The following CUX2 variants were observed in gnomAD, a reference collection of about 807,000 sequenced individuals.
CUX2 encodes cut like homeobox 2.
In CUX2, 40 loss-of-function variants were observed where a neutral mutation model predicts 144.8. The ratio of observed to expected loss-of-function variants is 0.28; its 90% CI spans 0.21 to 0.36. CUX2 has a LOEUF of 0.36. CUX2 is among the 10% of genes least tolerant of loss of function. CUX2 has a pLI of 1.00. For synonymous variants in CUX2, 827 were observed against 875.6 expected (o/e 0.94, Z 0.98); for missense variants, 1,615 against 1,994.0 (o/e 0.81, Z 3.62).
chr12:111,103,070 A>C (rs1873355239), intron 1 of CUX2, among the ~76,000 whole-genome samples: 1 of 151,994 alleles, frequency 6.6e-6, no homozygotes, highest in Admixed American at 6.5e-5. Context: ...TAGAGGGGAC[A>C]CTCCTCTTAC....
chr12:111,191,333 ATTTATTTATTTATTTT>A lies in CUX2; in HGVS notation c.64-22866_64-22851del, dbSNP rs1233135088. Among the ~76,000 whole-genome samples, 830 of 149,298 alleles carry A rather than the reference ATTTATTTATTTATTTT, an allele frequency of 5.6e-3. 8 individuals carry two copies. The highest frequency in any genetic ancestry group is 0.02 in the African/African-American group (792 of 39,644). On this transcript the variant is annotated intron_variant, in intron 1 of 21. Transcript: ENST00000261726. The stretch of plus-strand genomic sequence containing the variant: ...TATTTATTTATTTATTTATTTATTT[ATTTATTTATTTATTTT>A]GAGACAGAGTCTTGCTCTGTCACCC...
intron 1 of CUX2, among the ~76,000 whole-genome samples, chr12:111,143,172 T>G (rs1876445469): frequency 6.6e-6 from 1 of 152,154 alleles, no homozygotes; most frequent in Non-Finnish European, 1.5e-5. Flanking sequence ...GGGGCTGGTA[T>G]CCAGCAACCA....
chr12:111,310,384 G>T lies in CUX2; in HGVS notation c.1602G>T (p.Glu534Asp). The change falls in exon 15 of 22, where the codon GAG becomes GAT. Residue 534 changes from glutamate (E) to aspartate (D), a missense_variant. Physicochemically the swap from Glu to Asp is conservative, Grantham distance 45 (BLOSUM62 2). Transcript: ENST00000261726. The surrounding 1 kb of genome is among the most constrained non-coding windows in gnomAD (Gnocchi z 7.9). ...APGPEPLGGP[E>D]PADGGGGGAA... ...GCCCTGAGCCACTGGGCGGTCCTGA[G>T]CCCGCGGATGGTGGTGGGGGCGGAG... 6.2e-7 allele frequency: 1 copy of T among 1,603,714 alleles called. No homozygotes were observed. The highest frequency in any genetic ancestry group is 8.5e-7 in the Non-Finnish European group (1 of 1,174,228).
chr12:111,070,160 G>A (rs1004659917), intron 1 of CUX2, among the ~76,000 whole-genome samples: 1 of 152,236 alleles, frequency 6.6e-6, no homozygotes, highest in Non-Finnish European at 1.5e-5. Flanking sequence ...CCATGGAGGC[G>A]TAGGGAGCCA....
At chr12:111,193,349 G>A (rs541759681) in intron 1 of CUX2, among the ~76,000 whole-genome samples, 5 of 152,320 alleles carry the variant, frequency 3.3e-5, no homozygotes, top group Admixed American at 6.5e-5. Context: ...AAAACAATTT[G>A]AAATAATTAG....
At chr12:111,117,167 T>C (rs1054904318) in intron 1 of CUX2, among the ~76,000 whole-genome samples, 3 of 152,212 alleles carry the variant, frequency 2.0e-5, no homozygotes, top group African/African-American at 7.2e-5. Context: ...ATTCCACTCA[T>C]TGAGCAATGT....
chr12:111,334,077 C>T (rs1199006596), intron 18 of CUX2, among the ~76,000 whole-genome samples: 8 of 149,036 alleles, frequency 5.4e-5, no homozygotes, highest in East Asian at 2.0e-4. Context: ...GTCCCAGCTA[C>T]TTGGGAGGCT....
intron 1 of CUX2, among the ~76,000 whole-genome samples, chr12:111,182,392 C>T (rs978680188): frequency 2.6e-5 from 4 of 152,290 alleles, no homozygotes; most frequent in Non-Finnish European, 2.9e-5. Context: ...ACATACAGCC[C>T]GGCGGCCAGC....
At chr12:111,247,367 G>A (rs1157516817) in intron 3 of CUX2, among the ~76,000 whole-genome samples, 1 of 152,232 alleles carries the variant, frequency 6.6e-6, no homozygotes, top group African/African-American at 2.4e-5. Flanking sequence ...GGGCAGGGTA[G>A]CACTTCAGTG....
At position 111,304,054 on chromosome 12, in the gene CUX2, G is replaced by A. The variant is rs1886452577; in HGVS notation, c.754-156G>A. On this transcript the variant is annotated intron_variant, in intron 9 of 21. Transcript: ENST00000261726. This position sits in a 1 kb window ranked among gnomAD's most constrained non-coding sequence, Gnocchi z 4.7. Reference sequence around the variant, plus strand: ...CCAGCCCAGACAGGGCTCTGTGACTGGTCTTCATAGCTCCAGGACAGGGTC... The same window carrying A: ...CCAGCCCAGACAGGGCTCTGTGACTAGTCTTCATAGCTCCAGGACAGGGTC... 1 of 597,066 alleles carries A rather than the reference G, an allele frequency of 1.7e-6. No homozygotes were observed. Among genetic ancestry groups the A allele is most frequent in the South Asian group, 2.0e-5 (1 of 48,858 alleles). 37.0% of individuals were successfully genotyped at this position (597,066 alleles called of 1,614,324 possible).
chr12:111,337,256 G>C (rs1888391583), intron 19 of CUX2, among the ~76,000 whole-genome samples: 1 of 151,918 alleles, frequency 6.6e-6, no homozygotes, highest in Non-Finnish European at 1.5e-5. Context: ...GGGAGGCTGA[G>C]GTGGGAGGAT....
At chr12:111,093,339 G>A (rs935043027) in intron 1 of CUX2, among the ~76,000 whole-genome samples, 1 of 152,166 alleles carries the variant, frequency 6.6e-6, no homozygotes, top group Non-Finnish European at 1.5e-5. Context: ...GCCCAGGAGG[G>A]TGTCCTAGCT....
intron 1 of CUX2, among the ~76,000 whole-genome samples, chr12:111,086,823 T>C (rs1872249516): frequency 6.6e-6 from 1 of 152,116 alleles, no homozygotes; most frequent in African/African-American, 2.4e-5. Flanking sequence ...TCCCAGCTAC[T>C]TGGGAGGCTG....
chr12:111,327,948 C>T (rs542887455), intron 18 of CUX2, among the ~76,000 whole-genome samples: 1 of 152,270 alleles, frequency 6.6e-6, no homozygotes, highest in South Asian at 2.1e-4. Flanking sequence ...CCTGTAGTCC[C>T]AGCTACTCAG....
At position 111,348,256 on chromosome 12, in the gene CUX2, T is replaced by A. The variant is rs1888911515; in HGVS notation, c.4392T>A (p.Asn1464Lys). Reference protein sequence around the residue: ...NLQRRHEKMANLNNIIYRVER... With the variant: ...NLQRRHEKMAKLNNIIYRVER... ...AGCGGCGGCATGAGAAGATGGCCAATCTGAACAACATCATTTACCGAGTAG... is the reference window on the plus strand; with the variant it reads ...AGCGGCGGCATGAGAAGATGGCCAAACTGAACAACATCATTTACCGAGTAG... The change falls in exon 22 of 22, where the codon AAT becomes AAA. Residue 1464 changes from asparagine to lysine, a missense_variant. This residue lies in a region of CUX2 where 298 missense variants were observed against 330.4 expected (regional missense o/e 0.90). Transcript: ENST00000261726. 6.2e-7 allele frequency: 1 copy of A among 1,613,662 alleles called. No homozygotes were observed. Among genetic ancestry groups the A allele is most frequent in the South Asian group, 1.1e-5 (1 of 91,072 alleles).
chr12:111,151,159 G>T (rs1169772878), intron 1 of CUX2, among the ~76,000 whole-genome samples: 1 of 152,182 alleles, frequency 6.6e-6, no homozygotes, highest in Non-Finnish European at 1.5e-5. Context: ...TTTTAAATTG[G>T]CTAATGCAGA....
intron 1 of CUX2, among the ~76,000 whole-genome samples, chr12:111,089,381 C>G (rs553516384): frequency 1.3e-4 from 20 of 152,192 alleles, no homozygotes; most frequent in Non-Finnish European, 2.8e-4. Flanking sequence ...TGTTTGATAA[C>G]ACACTGTAGG....
At chr12:111,303,364 G>A (rs1035240259) in intron 9 of CUX2, among the ~76,000 whole-genome samples, 4 of 151,170 alleles carry the variant, frequency 2.6e-5, no homozygotes, top group African/African-American at 4.9e-5. Context: ...AGCTGGGCAC[G>A]ATGGCTCACT....
At chr12:111,196,141 T>C (rs1880227561) in intron 1 of CUX2, among the ~76,000 whole-genome samples, 1 of 152,206 alleles carries the variant, frequency 6.6e-6, no homozygotes, top group South Asian at 2.1e-4. Context: ...CTTCTTACAT[T>C]AGGTATAATG....
Sources: gnomAD v4.1 joint callset for allele counts (sites outside exome capture counted in the v4.1 genomes callset) on GRCh38, gnomAD v4.1.1 for gene constraint, gnomAD v4.1.1 regional missense constraint, Gnocchi (gnomAD v3.1) non-coding constraint, MANE v1.5 for transcripts, NCBI Gene and HGNC (gene_info 2026-07-23, HGNC 2026-07-21) for gene names.